The following PCDH9 variants were observed in gnomAD, a reference collection of about 807,000 sequenced individuals.
PCDH9 encodes the protein protocadherin-9.
PCDH9 carries 24 observed loss-of-function variants against 70.6 expected under a neutral mutation model. That is an observed-to-expected ratio of 0.34 (90% confidence interval 0.25 to 0.48). The LOEUF is 0.48. Ranked by LOEUF, PCDH9 falls within the 20% of genes least tolerant of loss-of-function variation. The probability of loss-of-function intolerance (pLI) is 0.99; values close to 1 mark genes in which losing one functional copy is unlikely to be tolerated. For missense variants in PCDH9, 1,281 were observed against 1,503.6 expected (o/e 0.85, Z 2.45); for synonymous variants, 562 against 558.5 (o/e 1.01, Z -0.09).
intron 4 of PCDH9, among the ~76,000 whole-genome samples, chr13:66,362,111 T>C (rs896488412): frequency 6.6e-6 from 1 of 152,192 alleles, no homozygotes; most frequent in African/African-American, 2.4e-5. Flanking sequence ...CTGAATATCA[T>C]TAGAATACAC....
intron 4 of PCDH9, among the ~76,000 whole-genome samples, chr13:66,612,833 T>C (rs757109036): frequency 2.8e-4 from 43 of 152,094 alleles, no homozygotes; most frequent in Non-Finnish European, 5.9e-4. Context: ...CTGCTTTTTT[T>C]TTTCCTTTTC....
At chr13:66,654,575 T>G (rs116395992) in intron 3 of PCDH9, among the ~76,000 whole-genome samples, 1 of 152,176 alleles carries the variant, frequency 6.6e-6, no homozygotes, top group Non-Finnish European at 1.5e-5. Context: ...CAAAATCTTA[T>G]GTACCCTATA....
At chr13:66,656,429 T>C (rs1196112850) in intron 3 of PCDH9, among the ~76,000 whole-genome samples, 1 of 152,210 alleles carries the variant, frequency 6.6e-6, no homozygotes, top group Non-Finnish European at 1.5e-5. Flanking sequence ...TTTCTTCTCA[T>C]TCAGGTTACT....
intron 3 of PCDH9, among the ~76,000 whole-genome samples, chr13:66,841,981 G>A (rs983916102): frequency 6.6e-6 from 1 of 152,170 alleles, no homozygotes; most frequent in African/African-American, 2.4e-5. Flanking sequence ...GAGAACAGCT[G>A]GAGGTGAGGA....
chr13:66,972,378 A>G (rs1322939558), intron 2 of PCDH9, among the ~76,000 whole-genome samples: 2 of 151,964 alleles, frequency 1.3e-5, no homozygotes, highest in Non-Finnish European at 2.9e-5. Context: ...CTAGAAAAAA[A>G]TTAATAACTT....
intron 2 of PCDH9, among the ~76,000 whole-genome samples, chr13:66,909,204 A>C (rs987025742): frequency 5.9e-5 from 9 of 152,156 alleles, no homozygotes; most frequent in African/African-American, 2.2e-4. Context: ...TCCCACTTAC[A>C]ATAACTACAA....
At chr13:66,784,393 T>A (rs939749393) in intron 3 of PCDH9, among the ~76,000 whole-genome samples, 2 of 152,072 alleles carry the variant, frequency 1.3e-5, no homozygotes, top group Non-Finnish European at 2.9e-5. Context: ...GTAAAAGCCC[T>A]CCTAGGACCT....
At chr13:66,552,322 C>T (rs1331388763) in intron 4 of PCDH9, among the ~76,000 whole-genome samples, 1 of 152,098 alleles carries the variant, frequency 6.6e-6, no homozygotes, top group Non-Finnish European at 1.5e-5. Flanking sequence ...TCACAGTCAG[C>T]GTTCCTTTGG....
chr13:66,616,966 T>C (rs2077363754), intron 4 of PCDH9, among the ~76,000 whole-genome samples: 1 of 152,152 alleles, frequency 6.6e-6, no homozygotes, highest in Non-Finnish European at 1.5e-5. Flanking sequence ...CAGAGCCACA[T>C]GGTAGCAGAG....
At chr13:66,630,664 G>T (rs1293965178) in intron 4 of PCDH9, 4 of 151,676 alleles carry the variant, frequency 2.6e-5, no homozygotes, top group East Asian at 1.9e-4. Flanking sequence ...CCCCCAAATT[G>T]TTATCTCTCC....
chr13:66,406,448 A>C (rs1957282510), intron 4 of PCDH9, among the ~76,000 whole-genome samples: 1 of 151,788 alleles, frequency 6.6e-6, no homozygotes, highest in African/African-American at 2.4e-5. Context: ...CATTACTGAC[A>C]ACTAATATTT....
At chr13:66,878,579 G>A (rs968888868) in intron 3 of PCDH9, among the ~76,000 whole-genome samples, 1 of 152,108 alleles carries the variant, frequency 6.6e-6, no homozygotes, top group Non-Finnish European at 1.5e-5. Flanking sequence ...TTGAACACCC[G>A]ATTTTATCTT....
At chr13:66,627,833 C>T (rs572378021) in intron 4 of PCDH9, among the ~76,000 whole-genome samples, 63 of 152,236 alleles carry the variant, frequency 4.1e-4, no homozygotes, top group Middle Eastern at 3.4e-3. Context: ...GAAAGGTTTT[C>T]GTTTGTTTGC....
At chr13:66,561,723 G>A (rs7998584) in intron 4 of PCDH9, among the ~76,000 whole-genome samples, 79,544 of 151,664 alleles carry the variant, frequency 0.52, 21,315 homozygotes, top group East Asian at 0.67. Context: ...ATGGAGAACC[G>A]TTGTGTCTAG....
chr13:67,046,778 C>T (rs1304926210), intron 2 of PCDH9, among the ~76,000 whole-genome samples: 1 of 151,972 alleles, frequency 6.6e-6, no homozygotes, highest in Non-Finnish European at 1.5e-5. Flanking sequence ...AAATCCTCCT[C>T]ATCCTGAGGA....
intron 3 of PCDH9, among the ~76,000 whole-genome samples, chr13:66,804,864 T>G (rs2080387429): frequency 1.3e-5 from 2 of 152,024 alleles, no homozygotes; most frequent in African/African-American, 4.8e-5. Context: ...TCAAACACGT[T>G]TGAGAGTGAA....
chr13:67,074,196 A>C (rs2085831188), intron 2 of PCDH9, among the ~76,000 whole-genome samples: 1 of 152,044 alleles, frequency 6.6e-6, no homozygotes, highest in Non-Finnish European at 1.5e-5. Flanking sequence ...TTCTTCCTCA[A>C]GGTAATGGTA....
intron 3 of PCDH9, among the ~76,000 whole-genome samples, chr13:66,686,282 C>A (rs942494412): frequency 1.3e-5 from 2 of 152,140 alleles, no homozygotes; most frequent in African/African-American, 2.4e-5. Flanking sequence ...TGGTTTTATA[C>A]AGGGCTTTTC....
At chr13:67,123,105 A>T (rs1209549772) in intron 2 of PCDH9, among the ~76,000 whole-genome samples, 1 of 152,142 alleles carries the variant, frequency 6.6e-6, no homozygotes, top group Non-Finnish European at 1.5e-5. Context: ...TTCCCTTCAA[A>T]CATGGAAAAA....
Sources: allele counts gnomAD v4.1 joint callset (sites outside exome capture counted in the v4.1 genomes callset), GRCh38; gene constraint gnomAD v4.1.1; transcripts MANE v1.5; gene names NCBI Gene and HGNC (gene_info 2026-07-23, HGNC 2026-07-21).